The following CPVL variants were observed in gnomAD, a reference collection of about 807,000 sequenced individuals.
CPVL encodes carboxypeptidase vitellogenic like, also known as probable serine carboxypeptidase CPVL.
CPVL carries 51 observed loss-of-function variants against 63.7 expected under a neutral mutation model. The observed-to-expected ratio is 0.80, with a 90% CI of 0.64 to 1.01. CPVL has a LOEUF of 1.01. CPVL is among the 50% of genes least tolerant of loss of function. The pLI is 0.00. For synonymous variants in CPVL, 195 were observed against 206.0 expected (o/e 0.95, Z 0.46); for missense variants, 530 against 573.1 (o/e 0.92, Z 0.77).
At chr7:29,069,118 G>T (rs1490614927) in intron 9 of CPVL, among the ~76,000 whole-genome samples, 2 of 151,934 alleles carry the variant, frequency 1.3e-5, no homozygotes, top group Non-Finnish European at 2.9e-5. Context: ...CAACCTTGAA[G>T]AATAACTTTG....
At chr7:29,125,862 G>A (rs1789962433) in intron 1 of CPVL, among the ~76,000 whole-genome samples, 1 of 152,190 alleles carries the variant, frequency 6.6e-6, no homozygotes, top group African/African-American at 2.4e-5. Flanking sequence ...TCTGTCTAGA[G>A]TAGTCTGGTT....
chr7:29,007,596 T>C (rs539232772), intron 12 of CPVL, among the ~76,000 whole-genome samples: 7 of 152,302 alleles, frequency 4.6e-5, no homozygotes, highest in Admixed American at 2.6e-4. Context: ...AGAAAGGAAA[T>C]AGTCTTTAGC....
At chr7:29,065,866 G>A (rs763890629) in intron 10 of CPVL, among the ~76,000 whole-genome samples, 157 bp downstream of exon 10, 29 of 152,110 alleles carry the variant, frequency 1.9e-4, no homozygotes, top group Non-Finnish European at 4.1e-4. Context: ...ACACTGATGA[G>A]GAAAAGATTC....
chr7:29,021,007 A>C (rs6944151), intron 12 of CPVL, among the ~76,000 whole-genome samples: 127,709 of 152,074 alleles, frequency 0.84, 54,336 homozygotes, highest in African/African-American at 0.96. Context: ...GAAACCCTGT[A>C]TCTACTAAAA....
chr7:29,146,966 C>T (rs1409706349), upstream of CPVL: 11 of 1,550,936 alleles, frequency 7.1e-6, no homozygotes, highest in Non-Finnish European at 9.6e-6. Context: ...TAGCAGTAAG[C>T]TCGCACCAAG....
chr7:29,018,065 A>G lies in CPVL; in HGVS notation c.1320+12512T>C, dbSNP rs1436865650. ...GAATTGATATTGACAGTGAAAACAT[A>G]AAATAAAAATAGTAAGGGCTCAAAT... On this transcript the variant is annotated intron_variant, in intron 12 of 12. Transcript: ENST00000265394. Among the ~76,000 whole-genome samples, 6 of 152,254 alleles carry G rather than the reference A, an allele frequency of 3.9e-5. No homozygotes were observed. The East Asian group carries it at 1.2e-3, about 29-fold the overall frequency.
At chr7:29,015,989 G>A (rs1204182867) in intron 12 of CPVL, among the ~76,000 whole-genome samples, 1 of 152,116 alleles carries the variant, frequency 6.6e-6, no homozygotes, top group Admixed American at 6.5e-5. Context: ...GCTCACAGAT[G>A]CGGAATCATC....
chr7:29,019,017 G>A (rs1329016579), intron 12 of CPVL, among the ~76,000 whole-genome samples: 1 of 151,658 alleles, frequency 6.6e-6, no homozygotes, highest in Non-Finnish European at 1.5e-5. Flanking sequence ...TCAGTGGCTA[G>A]AGATAGGTAT....
chr7:29,075,856 G>C (rs1178894357), intron 7 of CPVL, among the ~76,000 whole-genome samples: 1 of 151,242 alleles, frequency 6.6e-6, no homozygotes, highest in East Asian at 1.9e-4. Context: ...AGTGACTCAG[G>C]CTGTCACAGA....
chr7:29,102,991 C>A (rs575895066), intron 3 of CPVL, among the ~76,000 whole-genome samples: 7 of 152,126 alleles, frequency 4.6e-5, no homozygotes, highest in Non-Finnish European at 1.5e-5. Flanking sequence ...ATCCTGTCTG[C>A]CCTATTGTTC....
Position 28,995,698 on chromosome 7 carries a change from C to A in CPVL, c.*74G>T. The A allele has an allele frequency of 1.2e-6, 1 of 864,292 alleles. No homozygotes were observed. Among genetic ancestry groups the A allele is most frequent in the South Asian group, 1.6e-5 (1 of 62,114 alleles). The allele number at this position is 864,292 out of a possible 1,614,324, so 53.5% of individuals were successfully genotyped here. A position where few individuals can be genotyped will look rare whatever the true frequency, so the allele number is the denominator to read the frequency against. Reference sequence around the variant, plus strand: ...ATATGAAAAGATAATTTTTTTATTCCTATGACATTTTCTGTTTTTACGATT... The same window carrying A: ...ATATGAAAAGATAATTTTTTTATTCATATGACATTTTCTGTTTTTACGATT... On this transcript the variant is annotated 3_prime_UTR_variant, in exon 13 of 13. Transcript: ENST00000265394.
intron 11 of CPVL, among the ~76,000 whole-genome samples, chr7:29,049,395 A>C (rs976723955): frequency 6.6e-5 from 10 of 152,142 alleles, no homozygotes; most frequent in African/African-American, 2.4e-4. Flanking sequence ...ACCTTTACAC[A>C]CATAAACTAG....
intron 4 of CPVL, among the ~76,000 whole-genome samples, chr7:29,181,816 T>A (rs1798092903): frequency 6.6e-6 from 1 of 152,190 alleles, no homozygotes; most frequent in Non-Finnish European, 1.5e-5. Flanking sequence ...TATTGCTATG[T>A]AATGTAAACT....
intron 6 of CPVL, 77 bp downstream of exon 6, chr7:29,092,546 A>G (rs1785924628): frequency 9.9e-7 from 1 of 1,007,600 alleles, no homozygotes; most frequent in African/African-American, 1.6e-5. Context: ...AAAAATTCCA[A>G]CACTAGAATA....
chr7:29,024,987 A>G (rs1269512753), intron 12 of CPVL, among the ~76,000 whole-genome samples: 1 of 152,242 alleles, frequency 6.6e-6, no homozygotes, highest in Admixed American at 6.5e-5. Flanking sequence ...ATGATAAGCA[A>G]TAAAAGAGGA....
chr7:29,047,206 TG>T (rs1238717280), intron 11 of CPVL, among the ~76,000 whole-genome samples: 1 of 152,184 alleles, frequency 6.6e-6, no homozygotes, highest in Non-Finnish European at 1.5e-5. Flanking sequence ...GCACCCCAGG[TG>T]TTTCTAATGC....
At chr7:29,176,047 G>C (rs1405978923) in intron 5 of CPVL, among the ~76,000 whole-genome samples, 1 of 152,122 alleles carries the variant, frequency 6.6e-6, no homozygotes, top group Admixed American at 6.5e-5. Context: ...TTAGCCAGGC[G>C]TGGTGGTGGG....
At chr7:29,114,508 T>C (rs1005827473) in intron 2 of CPVL, among the ~76,000 whole-genome samples, 1 of 151,970 alleles carries the variant, frequency 6.6e-6, no homozygotes, top group Non-Finnish European at 1.5e-5. Flanking sequence ...GCAGTGCTTG[T>C]AGTCCCAGCA....
intron 7 of CPVL, among the ~76,000 whole-genome samples, chr7:29,076,874 A>G (rs939874292): frequency 1.3e-5 from 2 of 152,244 alleles, no homozygotes; most frequent in African/African-American, 4.8e-5. Flanking sequence ...GCTGAATAGT[A>G]GTTTTGAATC....
Sources: gnomAD v4.1 joint callset for allele counts (sites outside exome capture counted in the v4.1 genomes callset) on GRCh38, gnomAD v4.1.1 for gene constraint, MANE v1.5 for transcripts, NCBI Gene and HGNC (gene_info 2026-07-23, HGNC 2026-07-21) for gene names.